Variants in TMEM117 observed in about 807,000 individuals in gnomAD.
The protein encoded by TMEM117 is transmembrane protein 117.
In TMEM117, 27 loss-of-function variants were observed where a neutral mutation model predicts 52.4. The observed-to-expected ratio is 0.51, with a 90% CI of 0.38 to 0.71. The LOEUF is 0.71. TMEM117 is among the 30% of genes least tolerant of loss of function. The pLI is 0.00. For missense variants in TMEM117, 556 were observed against 630.5 expected (o/e 0.88, Z 1.26); for synonymous variants, 215 against 206.3 (o/e 1.04, Z -0.36).
intron 2 of TMEM117, among the ~76,000 whole-genome samples, chr12:43,861,964 G>T (rs1381491498): frequency 6.6e-6 from 1 of 152,142 alleles, no homozygotes; most frequent in African/African-American, 2.4e-5. Flanking sequence ...GGCTGGTTAG[G>T]TCAGAGCAGG....
intron 3 of TMEM117, among the ~76,000 whole-genome samples, chr12:44,092,876 GT>G (rs1305447559): frequency 2.0e-5 from 3 of 152,140 alleles, no homozygotes; most frequent in Non-Finnish European, 4.4e-5. Flanking sequence ...TGTGAATACA[GT>G]TTTCTTAAAT....
intron 3 of TMEM117, among the ~76,000 whole-genome samples, chr12:44,064,852 G>T (rs1475632100): frequency 6.6e-6 from 1 of 152,050 alleles, no homozygotes; most frequent in Non-Finnish European, 1.5e-5. Flanking sequence ...TAATAATATT[G>T]TATTGTGTTT....
chr12:44,045,575 G>T (rs376574369), intron 3 of TMEM117, among the ~76,000 whole-genome samples: 24 of 152,132 alleles, frequency 1.6e-4, no homozygotes, highest in South Asian at 4.1e-4. Flanking sequence ...CGGGCACAGT[G>T]ATTCACGCTT....
chr12:44,004,466 G>C (rs1439536286), intron 3 of TMEM117, among the ~76,000 whole-genome samples: 2 of 152,146 alleles, frequency 1.3e-5, no homozygotes, highest in Non-Finnish European at 2.9e-5. Flanking sequence ...AAAGAGAATG[G>C]AGCCCTCTGC....
Position 43,971,089 on chromosome 12 carries a change from T to C in TMEM117, c.410+26747T>C, listed in dbSNP as rs17552194. Among the ~76,000 whole-genome samples, 1,358 of 152,274 alleles carry C rather than the reference T, an allele frequency of 8.9e-3. 11 individuals carry two copies. The highest frequency in any genetic ancestry group is 0.014 in the Non-Finnish European group (956 of 68,020). ...GCTAAGGCCAGACTTACGTGTGTTG[T>C]TCATTCTTTTTTTTCTTCTCCCTTA... is the stretch of plus-strand genomic sequence containing the variant. On this transcript the variant is annotated intron_variant, in intron 3 of 7. Transcript: ENST00000266534.
intron 6 of TMEM117, among the ~76,000 whole-genome samples, chr12:44,360,757 TAC>T (rs1951710773): frequency 6.6e-6 from 1 of 152,168 alleles, no homozygotes; most frequent in African/African-American, 2.4e-5. Context: ...GAATGAGGCA[TAC>T]AGCCTTAACC....
At chr12:43,980,144 C>T (rs1158156755) in intron 3 of TMEM117, among the ~76,000 whole-genome samples, 1 of 152,054 alleles carries the variant, frequency 6.6e-6, no homozygotes, top group African/African-American at 2.4e-5. Context: ...GAGGAGGGGG[C>T]TTAGGCAAAA....
chr12:44,227,996 TAGAG>T (rs1178006977), intron 5 of TMEM117, among the ~76,000 whole-genome samples: 2 of 151,362 alleles, frequency 1.3e-5, no homozygotes, highest in South Asian at 2.1e-4. Flanking sequence ...CAAGATGACT[TAGAG>T]AGAGACACAA....
chr12:44,245,309 G>A (rs990377878), intron 5 of TMEM117, among the ~76,000 whole-genome samples: 1 of 151,618 alleles, frequency 6.6e-6, no homozygotes, highest in African/African-American at 2.4e-5. Context: ...TTATAACTAT[G>A]TTAATTATTC....
At chr12:44,076,667 A>C (rs1228893024) in intron 3 of TMEM117, among the ~76,000 whole-genome samples, 2 of 152,222 alleles carry the variant, frequency 1.3e-5, no homozygotes, top group Non-Finnish European at 2.9e-5. Flanking sequence ...TATATATTTG[A>C]GTAATCAGTG....
At chr12:44,106,711 A>T (rs894119809) in intron 3 of TMEM117, among the ~76,000 whole-genome samples, 4 of 142,086 alleles carry the variant, frequency 2.8e-5, no homozygotes, top group Non-Finnish European at 6.1e-5. Flanking sequence ...TCTGAATCAC[A>T]GAAAAATTCT....
chr12:43,992,929 C>A (rs993360076), intron 3 of TMEM117, among the ~76,000 whole-genome samples: 3 of 152,132 alleles, frequency 2.0e-5, no homozygotes, highest in African/African-American at 7.2e-5. Context: ...ACTGGTATTT[C>A]CCCAGAGTCC....
chr12:44,141,367 C>A (rs1214719738), intron 3 of TMEM117, among the ~76,000 whole-genome samples: 2 of 152,162 alleles, frequency 1.3e-5, no homozygotes, highest in East Asian at 3.9e-4. Context: ...ATCATTTTTC[C>A]TGATCCTCTC....
At chr12:43,955,731 T>C (rs1472912164) in intron 3 of TMEM117, among the ~76,000 whole-genome samples, 1 of 152,194 alleles carries the variant, frequency 6.6e-6, no homozygotes, top group Non-Finnish European at 1.5e-5. Context: ...ATTTATAGAT[T>C]TAATGCTATT....
intron 5 of TMEM117, among the ~76,000 whole-genome samples, chr12:44,295,143 C>T (rs1057372033): frequency 1.2e-4 from 18 of 151,886 alleles, no homozygotes; most frequent in East Asian, 1.9e-4. Flanking sequence ...TCATAAATCG[C>T]GTATTTATTA....
intron 3 of TMEM117, among the ~76,000 whole-genome samples, chr12:44,002,230 A>G (rs1946127058): frequency 6.6e-6 from 1 of 152,098 alleles, no homozygotes; most frequent in Non-Finnish European, 1.5e-5. Context: ...AGGTTTTTAC[A>G]CTCTTGTCAC....
intron 5 of TMEM117, among the ~76,000 whole-genome samples, chr12:44,278,390 G>A (rs1055259467): frequency 6.6e-6 from 1 of 152,162 alleles, no homozygotes; most frequent in Non-Finnish European, 1.5e-5. Flanking sequence ...TCTCAAACAA[G>A]CTTTCTTTCC....
chr12:44,267,682 A>G (rs1477703132), intron 5 of TMEM117, among the ~76,000 whole-genome samples: 2 of 152,148 alleles, frequency 1.3e-5, no homozygotes, highest in Non-Finnish European at 1.5e-5. Flanking sequence ...TCTCCCTCCA[A>G]GTCCCTAGCA....
chr12:44,139,809 C>G lies in TMEM117; in HGVS notation c.411-3716C>G, dbSNP rs192052877. On this transcript the variant is annotated intron_variant, in intron 3 of 7. Coordinates refer to ENST00000266534, the MANE Select transcript of TMEM117 (RefSeq NM_032256.3). ...AAATCAGTAGGTATATGAAACCTCA[C>G]AATTTCACTTTTCTAGAGTCCAATG... Among the ~76,000 whole-genome samples the G allele has an allele frequency of 1.4e-3, 208 of 152,236 alleles. 2 individuals are homozygous for G. The highest frequency in any genetic ancestry group is 7.7e-4 in the East Asian group (4 of 5,178).
Sources: allele counts gnomAD v4.1 joint callset (sites outside exome capture counted in the v4.1 genomes callset), GRCh38; gene constraint gnomAD v4.1.1; transcripts MANE v1.5; gene names NCBI Gene and HGNC (gene_info 2026-07-23, HGNC 2026-07-21).